PRH1: variants seen among roughly 807,000 people sequenced by gnomAD.
PRH1 encodes the protein proline rich protein HaeIII subfamily 1, also known as salivary acidic proline-rich phosphoprotein 1/2.
In PRH1, 7 loss-of-function variants were observed where a neutral mutation model predicts 7.9. The ratio of observed to expected loss-of-function variants is 0.89; its 90% CI spans 0.50 to 1.67. PRH1 has a LOEUF of 1.67. PRH1 is among the 40% of genes most tolerant of loss of function. The pLI is 0.00. For missense variants in PRH1, 109 were observed against 223.6 expected, an observed-to-expected ratio of 0.49 and a Z score of 3.27; for synonymous variants, 45 against 80.8, an observed-to-expected ratio of 0.56 and a Z score of 2.38.
chr12:11,083,322 A>C (rs78274543), intron 1 of PRH1, among the ~76,000 whole-genome samples: 3 of 129,014 alleles, frequency 2.3e-5, no homozygotes, highest in Non-Finnish European at 5.2e-5. Context: ...GTGGAGGTAG[A>C]CTTCCTGCTT....
At chr12:11,132,623 T>C (rs1331445161) in intron 1 of PRH1, among the ~76,000 whole-genome samples, 2 of 152,288 alleles carry the variant, frequency 1.3e-5, no homozygotes, top group Non-Finnish European at 2.9e-5. Context: ...TCTAAGCTAT[T>C]CACATACTTG....
At chr12:10,930,682 T>C in intron 2 of PRH1, 2 of 1,613,898 alleles carry the variant, frequency 1.2e-6, no homozygotes, top group Non-Finnish European at 1.7e-6. Flanking sequence ...CTCTGAGCAG[T>C]TCATAGATGA....
intron 1 of PRH1, among the ~76,000 whole-genome samples, chr12:11,136,258 C>T (rs534074051): frequency 1.4e-4 from 21 of 152,298 alleles, no homozygotes; most frequent in African/African-American, 4.6e-4. Context: ...TTGTTTGTGG[C>T]TTCTTGGACT....
chr12:11,114,899 T>C (rs1945688726), intron 1 of PRH1, among the ~76,000 whole-genome samples: 2 of 152,030 alleles, frequency 1.3e-5, no homozygotes, highest in South Asian at 4.1e-4. Flanking sequence ...ATAGAATGGA[T>C]ACACAAACAT....
chr12:11,062,330 G>C (rs775217357), intron 1 of PRH1: 16 of 1,554,658 alleles, frequency 1.0e-5, no homozygotes, highest in Non-Finnish European at 1.4e-5. Context: ...TAAAATGCTG[G>C]TGTAATATCA....
intron 3 of PRH1, among the ~76,000 whole-genome samples, chr12:10,881,840 G>T (rs1319521877): frequency 6.6e-6 from 1 of 152,144 alleles, no homozygotes; most frequent in East Asian, 1.9e-4. Flanking sequence ...AGGAATACTG[G>T]ACCTGAAAGC....
At chr12:10,969,783 G>A (rs1361173531) in intron 2 of PRH1, among the ~76,000 whole-genome samples, 2 of 152,078 alleles carry the variant, frequency 1.3e-5, no homozygotes, top group Non-Finnish European at 2.9e-5. Context: ...CAGCTACTGT[G>A]ATGAAATATG....
At chr12:10,931,074 A>G (rs768194225) in intron 2 of PRH1, 7 of 1,548,276 alleles carry the variant, frequency 4.5e-6, no homozygotes, top group South Asian at 2.5e-5. Flanking sequence ...CTAGGATTCA[A>G]TGATAGGTAT....
intron 2 of PRH1, chr12:10,937,542 G>C (rs1950308871): frequency 6.6e-6 from 1 of 152,012 alleles, no homozygotes; most frequent in African/African-American, 2.4e-5. Context: ...TAAAACACTA[G>C]AAAACACTCC....
At chr12:11,092,209 G>C (rs1320422199) in intron 1 of PRH1, 1 of 1,300,470 alleles carries the variant, frequency 7.7e-7, no homozygotes. Flanking sequence ...TGGAAAAAAT[G>C]ATGGGTAGAA....
intron 1 of PRH1, among the ~76,000 whole-genome samples, chr12:11,141,855 A>G (rs1946712179): frequency 6.6e-6 from 1 of 152,132 alleles, no homozygotes; most frequent in South Asian, 2.1e-4. Flanking sequence ...TGGCTTGATT[A>G]CAGCTCACTG....
chr12:11,073,727 C>T (rs1297372738), intron 1 of PRH1, among the ~76,000 whole-genome samples: 3 of 152,044 alleles, frequency 2.0e-5, no homozygotes, highest in Non-Finnish European at 4.4e-5. Flanking sequence ...CCAACCTGCT[C>T]TGCCCATTGA....
intron 1 of PRH1, among the ~76,000 whole-genome samples, chr12:11,008,083 T>C (rs1045833178): frequency 1.3e-5 from 2 of 151,998 alleles, no homozygotes; most frequent in East Asian, 1.9e-4. Flanking sequence ...AGTTTTGTCA[T>C]GTGAGGTGCA....
At chr12:11,052,629 G>A (rs1943193626) in intron 1 of PRH1, among the ~76,000 whole-genome samples, 1 of 152,100 alleles carries the variant, frequency 6.6e-6, no homozygotes, top group African/African-American at 2.4e-5. Context: ...AAGTATGTTA[G>A]GTGTTTTGAT....
intron 1 of PRH1, among the ~76,000 whole-genome samples, chr12:10,991,984 C>A (rs149980175): frequency 6.6e-6 from 1 of 152,010 alleles, no homozygotes; most frequent in African/African-American, 2.4e-5. Flanking sequence ...GTTGATGGAC[C>A]GATAGTTGAA....
chr12:10,987,268 TAG>T (rs1209863907), intron 1 of PRH1, among the ~76,000 whole-genome samples: 1 of 152,154 alleles, frequency 6.6e-6, no homozygotes, highest in African/African-American at 2.4e-5. Flanking sequence ...CTTCAGCTGT[TAG>T]ATAGGGAAAT....
chr12:10,933,531 A>G (rs925649470), intron 2 of PRH1, among the ~76,000 whole-genome samples: 2 of 152,070 alleles, frequency 1.3e-5, no homozygotes, highest in Admixed American at 1.3e-4. Context: ...TTAAATGACC[A>G]AGCAGACTTG....
intron 1 of PRH1, among the ~76,000 whole-genome samples, chr12:11,041,645 G>A (rs967843737): frequency 1.2e-4 from 19 of 152,200 alleles, no homozygotes; most frequent in African/African-American, 2.6e-4. Context: ...AGATACTTAC[G>A]TAACATTTCA....
At chr12:11,130,694 G>C (rs775999647) in intron 1 of PRH1, among the ~76,000 whole-genome samples, 1 of 152,244 alleles carries the variant, frequency 6.6e-6, no homozygotes, top group East Asian at 1.9e-4. Flanking sequence ...AATCCCTATG[G>C]AATCAGTGTA....
Sources: allele counts gnomAD v4.1 joint callset (sites outside exome capture counted in the v4.1 genomes callset), GRCh38; gene constraint gnomAD v4.1.1; transcripts MANE v1.5; gene names NCBI Gene and HGNC (gene_info 2026-07-23, HGNC 2026-07-21).